HINT3: variants seen among roughly 807,000 people sequenced by gnomAD.
HINT3 encodes the protein adenosine 5'-monophosphoramidase HINT3.
In HINT3, 16 loss-of-function variants were observed where a neutral mutation model predicts 19.1. The observed-to-expected ratio is 0.84, with a 90% CI of 0.57 to 1.27. The LOEUF (loss-of-function observed/expected upper bound fraction) is 1.27. Among genes scored for constraint, HINT3 ranks in the 50% most tolerant of loss-of-function variants. HINT3 has a pLI of 0.00. For synonymous variants in HINT3, 75 were observed against 84.8 expected, an observed-to-expected ratio of 0.88 and a Z score of 0.63; for missense variants, 197 against 225.8, an observed-to-expected ratio of 0.87 and a Z score of 0.82.
intron 1 of HINT3, among the ~76,000 whole-genome samples, chr6:125,961,641 A>G (rs986684361): frequency 2.0e-5 from 3 of 152,118 alleles, no homozygotes; most frequent in Admixed American, 2.0e-4. Context: ...GAATAGCCCA[A>G]AGTATGGGGA....
chr6:125,957,799 T>G (rs1044239236), intron 1 of HINT3, among the ~76,000 whole-genome samples: 8 of 152,212 alleles, frequency 5.3e-5, no homozygotes, highest in African/African-American at 1.9e-4. Context: ...AAACGGATAA[T>G]CTGGCACACA....
At chr6:125,974,643 A>G (rs538532531) in intron 3 of HINT3, among the ~76,000 whole-genome samples, 1 of 152,366 alleles carries the variant, frequency 6.6e-6, no homozygotes, top group South Asian at 2.1e-4. Flanking sequence ...TGATGAGCTT[A>G]TGTTACTACG....
chr6:125,964,640 C>G (rs888565056), intron 1 of HINT3, among the ~76,000 whole-genome samples: 19 of 151,814 alleles, frequency 1.3e-4, no homozygotes, highest in African/African-American at 4.6e-4. Context: ...GTGGATTTGC[C>G]ATAATTTATT....
intron 1 of HINT3, among the ~76,000 whole-genome samples, chr6:125,962,478 TA>T (rs1788959403): frequency 6.6e-6 from 1 of 151,764 alleles, no homozygotes. Flanking sequence ...TTAATCTTTT[TA>T]AAAAGAATAA....
In HINT3 at chr6:125,977,688, G is replaced by A; in HGVS notation, c.*12G>A. ...AACTAAGAACATGAAAATGTCAAGAGTGGAAGATTTTTCTAATCTTGGTTC... is the reference window on the plus strand; with the variant it reads ...AACTAAGAACATGAAAATGTCAAGAATGGAAGATTTTTCTAATCTTGGTTC... On this transcript the variant is annotated 3_prime_UTR_variant, in exon 5 of 5. Transcript: ENST00000229633. The A allele has an allele frequency of 6.7e-7, 1 of 1,489,372 alleles. No homozygotes were observed. Among genetic ancestry groups the A allele is most frequent in the East Asian group, 2.5e-5 (1 of 39,672 alleles). 92.3% of individuals were successfully genotyped at this position (1,489,372 alleles called of 1,614,324 possible). A position where few individuals can be genotyped will look rare whatever the true frequency, so the allele number is the denominator to read the frequency against.
chr6:125,966,802 C>A, intron 1 of HINT3, 85 bp from the exon 2 acceptor site: 2 of 832,036 alleles, frequency 2.4e-6, no homozygotes, highest in Non-Finnish European at 3.8e-6. Context: ...CCCTGTCAGA[C>A]TGAGATTAAT....
In HINT3 at chr6:125,972,283, A is replaced by G. The variant is rs749563161; in HGVS notation, c.344A>G (p.Lys115Arg). Residue 115 changes from lysine (K) to arginine (R), a missense_variant, in exon 3 of 5, where the codon AAA becomes AGA. Physicochemically the swap from Lys to Arg is conservative, Grantham distance 26 (BLOSUM62 2). Transcript: ENST00000229633. ...ELVENMVTVG[K>R]TILERNNFTD... ...GTTGAGAACATGGTAACTGTTGGAAAAACCATTCTTGAAAGAAATAATTTC... is the reference window on the plus strand; with the variant it reads ...GTTGAGAACATGGTAACTGTTGGAAGAACCATTCTTGAAAGAAATAATTTC... The G allele has an allele frequency of 1.4e-5, 22 of 1,580,820 alleles. No individual in the cohort carries two copies. The African/African-American group carries it at 2.9e-4, about 21-fold the overall frequency.
chr6:125,969,192 G>A (rs1283408112), intron 2 of HINT3, among the ~76,000 whole-genome samples: 1 of 152,158 alleles, frequency 6.6e-6, no homozygotes, highest in Admixed American at 6.5e-5. Flanking sequence ...TATGGTGAAA[G>A]GTAGGGGTCC....
intron 1 of HINT3, among the ~76,000 whole-genome samples, chr6:125,964,853 C>T (rs1431765901): frequency 6.6e-6 from 1 of 151,878 alleles, no homozygotes; most frequent in Non-Finnish European, 1.5e-5. Context: ...TAAATGATGC[C>T]TGGATCAGCA....
chr6:125,959,217 G>A (rs1216123520), intron 1 of HINT3, among the ~76,000 whole-genome samples: 1 of 152,136 alleles, frequency 6.6e-6, no homozygotes, highest in Non-Finnish European at 1.5e-5. Context: ...GATGGAAACT[G>A]AAAAAGAAGG....
Position 125,977,732 on chromosome 6 carries a change from G to A in HINT3, c.*56G>A. Reference sequence around the variant, plus strand: ...TTGGTTCAGCATGAAGTGGTATTTAGGTCCCTTTTAAGTCTAATTGCAATT... The same window carrying A: ...TTGGTTCAGCATGAAGTGGTATTTAAGTCCCTTTTAAGTCTAATTGCAATT... On this transcript the variant is annotated 3_prime_UTR_variant, in exon 5 of 5. Coordinates refer to ENST00000229633, the MANE Select transcript of HINT3 (RefSeq NM_138571.5). 1 of 1,083,270 alleles carries A rather than the reference G, an allele frequency of 9.2e-7. No homozygotes were observed. The highest frequency in any genetic ancestry group is 1.3e-6 in the Non-Finnish European group (1 of 753,366). The allele number at this position is 1,083,270 out of a possible 1,614,324, so 67.1% of individuals were successfully genotyped here. A position where few individuals can be genotyped will look rare whatever the true frequency, so the allele number is the denominator to read the frequency against.
Position 125,957,052 on chromosome 6 carries a change from G to C in HINT3, c.75G>C (p.Thr25=). The C allele has an allele frequency of 2.6e-6, 4 of 1,550,814 alleles. No individual in the cohort carries two copies. The highest frequency in any genetic ancestry group is 3.5e-6 in the Non-Finnish European group (4 of 1,146,868). The change falls in exon 1 of 5, where the codon ACG becomes ACC. Residue 25 remains threonine (T), a synonymous_variant. Coordinates refer to ENST00000229633, the MANE Select transcript of HINT3 (RefSeq NM_138571.5). ...AGGCCTCGGCGACTGCAGAAACTAC[G>C]GTTTCCTCAGTGGGGACCTGTGAAG... ...DCEASATAET[T]VSSVGTCEAA...
At position 125,962,345 on chromosome 6, in the gene HINT3, C is replaced by T. The variant is rs535992890; in HGVS notation, c.202-4542C>T. On this transcript the variant is annotated intron_variant, in intron 1 of 4. Coordinates refer to ENST00000229633, the MANE Select transcript of HINT3 (RefSeq NM_138571.5). ...TATATATATATCACACACACATAAC[C>T]GTATAATACAAAACGTAAGATACAG... is the stretch of plus-strand genomic sequence containing the variant. Among the ~76,000 whole-genome samples, 95 of 136,434 alleles carry T rather than the reference C, an allele frequency of 7.0e-4. 3 individuals are homozygous for T. The highest frequency in any genetic ancestry group is 3.7e-3 in the Middle Eastern group (1 of 270). 89.5% of individuals were successfully genotyped at this position (136,434 alleles called of 152,430 possible). A position where few individuals can be genotyped will look rare whatever the true frequency, so the allele number is the denominator to read the frequency against.
At chr6:125,960,933 T>C in intron 1 of HINT3, among the ~76,000 whole-genome samples, 1 of 152,172 alleles carries the variant, frequency 6.6e-6, no homozygotes, top group East Asian at 1.9e-4. Flanking sequence ...ATTTAGTAGA[T>C]CCTTAGAAAC....
At chr6:125,969,072 G>GT (rs1342223087) in intron 2 of HINT3, among the ~76,000 whole-genome samples, 2 of 152,052 alleles carry the variant, frequency 1.3e-5, no homozygotes, top group Non-Finnish European at 2.9e-5. Context: ...GTCATAAATT[G>GT]TTTCCCAAGG....
intron 1 of HINT3, 91 bp downstream of exon 1, chr6:125,957,269 A>C (rs1035416587): frequency 2.0e-5 from 26 of 1,330,296 alleles, no homozygotes; most frequent in Non-Finnish European, 2.6e-5. Flanking sequence ...GAGCGGGTGC[A>C]GAGGATCCCG....
chr6:125,962,293 TATATATATATATATCACAC>T (rs1788953393), intron 1 of HINT3, among the ~76,000 whole-genome samples: 2 of 36,068 alleles, frequency 5.5e-5, no homozygotes, highest in African/African-American at 1.8e-4. Context: ...TATACACATA[TATATATATATATATCACAC>T]ATATATATAT....
chr6:125,962,796 CCAAA>C (rs1788962434), intron 1 of HINT3, among the ~76,000 whole-genome samples: 1 of 151,774 alleles, frequency 6.6e-6, no homozygotes, highest in South Asian at 2.1e-4. Flanking sequence ...GATGACACTC[CCAAA>C]GGGGTGAAAA....
intron 2 of HINT3, 108 bp from the exon 3 acceptor site, chr6:125,972,151 T>A: frequency 1.4e-6 from 1 of 706,816 alleles, no homozygotes; most frequent in Non-Finnish European, 2.4e-6. Flanking sequence ...CTGGCCTGAA[T>A]GTGTCTTTAA....
Sources: gnomAD v4.1 joint callset for allele counts (sites outside exome capture counted in the v4.1 genomes callset) on GRCh38, gnomAD v4.1.1 for gene constraint, MANE v1.5 for transcripts, NCBI Gene and HGNC (gene_info 2026-07-23, HGNC 2026-07-21) for gene names.